AKR1C3: variants seen among roughly 807,000 people sequenced by gnomAD.
The protein encoded by AKR1C3 is 3-alpha hydroxysteroid dehydrogenase, type II.
In AKR1C3, 48 loss-of-function variants were observed where a neutral mutation model predicts 43.6. The ratio of observed to expected loss-of-function variants is 1.10; its 90% CI spans 0.87 to 1.40. The LOEUF (loss-of-function observed/expected upper bound fraction) is 1.40. AKR1C3 is among the 40% of genes most tolerant of loss of function. AKR1C3 has a pLI of 0.00. For missense variants in AKR1C3, 482 were observed against 391.2 expected (o/e 1.23, Z -1.96); for synonymous variants, 162 against 139.6 (o/e 1.16, Z -1.13).
At chr10:5,084,509 A>G (rs1471466017) in intron 1 of AKR1C3, among the ~76,000 whole-genome samples, 2 of 152,142 alleles carry the variant, frequency 1.3e-5, no homozygotes, top group East Asian at 1.9e-4. Context: ...GTCAGGTAGC[A>G]TGATGCCTCC....
intron 5 of AKR1C3, among the ~76,000 whole-genome samples, 186 bp from the exon 6 acceptor site, chr10:5,101,915 T>C (rs925840890): frequency 1.3e-5 from 2 of 152,198 alleles, no homozygotes; most frequent in South Asian, 2.1e-4. Context: ...AAATGGCATT[T>C]CCATTTATAC....
At chr10:5,082,787 T>C (rs1554782523) in intron 1 of AKR1C3, among the ~76,000 whole-genome samples, 1 of 152,180 alleles carries the variant, frequency 6.6e-6, no homozygotes, top group African/African-American at 2.4e-5. Flanking sequence ...CTGATTTTGG[T>C]ATCAGGATGA....
Position 5,074,603 on chromosome 10 carries a change from G to A in AKR1C3, c.85-21807G>A, listed in dbSNP as rs1245721009. On this transcript the variant is annotated intron_variant, in intron 1 of 8. Transcript: ENST00000439082. ...CTGTGAGGTTTCATTGACATAGTGT[G>A]CAAGAAGATTAAATTTTGGTACCCG... Among the ~76,000 whole-genome samples, 8 of 152,318 alleles carry A rather than the reference G, an allele frequency of 5.3e-5. No homozygotes were observed. In the South Asian group the frequency reaches 6.2e-4, roughly 12 times the overall value.
At chr10:5,097,678 T>C in intron 3 of AKR1C3, 128 bp downstream of exon 3, 1 of 1,555,410 alleles carries the variant, frequency 6.4e-7, no homozygotes, top group Non-Finnish European at 8.7e-7. Context: ...GAACCGTAAG[T>C]GGAACACCTA....
intron 1 of AKR1C3, among the ~76,000 whole-genome samples, chr10:5,056,988 G>C (rs1268416537): frequency 6.6e-6 from 1 of 152,144 alleles, no homozygotes; most frequent in Non-Finnish European, 1.5e-5. Context: ...TCAATTTCCT[G>C]GTCCTGAATA....
At chr10:5,057,162 A>G (rs1032589524) in intron 1 of AKR1C3, among the ~76,000 whole-genome samples, 6 of 152,168 alleles carry the variant, frequency 3.9e-5, no homozygotes, top group African/African-American at 1.2e-4. Context: ...CATAGTGGAC[A>G]TGGATGAGGG....
chr10:5,100,220 G>A (rs1398200137), intron 5 of AKR1C3, among the ~76,000 whole-genome samples: 2 of 152,208 alleles, frequency 1.3e-5, no homozygotes. Flanking sequence ...CTTGAACCCA[G>A]GAGGCAGAGA....
At chr10:5,092,333 A>G (rs1249139082), upstream of AKR1C3, among the ~76,000 whole-genome samples, 3 of 152,090 alleles carry the variant, frequency 2.0e-5, no homozygotes, top group East Asian at 1.9e-4. Context: ...TCTGTTGCCA[A>G]TTTGAGAACT....
At chr10:5,059,673 C>T (rs1838339254) in intron 1 of AKR1C3, among the ~76,000 whole-genome samples, 1 of 152,112 alleles carries the variant, frequency 6.6e-6, no homozygotes, top group Admixed American at 6.5e-5. Context: ...TATTTAGCCC[C>T]CAAATTCTAA....
intron 1 of AKR1C3, chr10:5,096,045 CAT>C (rs1168537217): frequency 6.8e-5 from 11 of 162,044 alleles, no homozygotes; most frequent in African/African-American, 2.6e-4. Flanking sequence ...GGAGAGAACT[CAT>C]ATGAGCTTGC....
intron 1 of AKR1C3, among the ~76,000 whole-genome samples, chr10:5,088,094 C>G (rs1839012898): frequency 6.6e-6 from 1 of 152,106 alleles, no homozygotes; most frequent in Admixed American, 6.6e-5. Context: ...TGTTCAGGGA[C>G]ACATTGTTTA....
intron 1 of AKR1C3, among the ~76,000 whole-genome samples, chr10:5,049,744 C>T (rs1554778769): frequency 6.6e-6 from 1 of 152,240 alleles, no homozygotes; most frequent in African/African-American, 2.4e-5. Context: ...TTCTGTGCAA[C>T]ATCACTGGGA....
chr10:5,077,219 C>A (rs1374450791), intron 1 of AKR1C3, among the ~76,000 whole-genome samples: 1 of 152,000 alleles, frequency 6.6e-6, no homozygotes, highest in Admixed American at 6.6e-5. Context: ...ATCACTTGAC[C>A]AAAGGGGCCC....
intron 8 of AKR1C3, 26 bp downstream of exon 8, chr10:5,105,703 T>C (rs1554787094): frequency 2.6e-6 from 4 of 1,566,036 alleles, no homozygotes; most frequent in African/African-American, 2.7e-5. Context: ...AAATGGGTGA[T>C]CTAATTTATT....
At chr10:5,098,090 G>A (rs1554785443) in intron 3 of AKR1C3, 1 of 988,698 alleles carries the variant, frequency 1.0e-6, no homozygotes, top group Non-Finnish European at 1.2e-6. Context: ...TTACTGTGTA[G>A]TGTATAACTT....
At chr10:5,063,035 T>G (rs1286261259) in intron 1 of AKR1C3, among the ~76,000 whole-genome samples, 1 of 152,100 alleles carries the variant, frequency 6.6e-6, no homozygotes, top group Non-Finnish European at 1.5e-5. Context: ...GGAGAGGAAA[T>G]AGATAGTAAC....
upstream of AKR1C3, among the ~76,000 whole-genome samples, chr10:5,089,931 C>T (rs944831769): frequency 6.6e-6 from 1 of 151,998 alleles, no homozygotes; most frequent in Admixed American, 6.6e-5. Flanking sequence ...ATACCTCTGC[C>T]CTTGAGGGTG....
rs532714220 is a variant in AKR1C3 at position 5,099,193 on chromosome 10, C to T, written c.448-134C>T. On this transcript the variant is annotated intron_variant, in intron 4 of 8. Coordinates refer to ENST00000380554, the MANE Select transcript of AKR1C3 (RefSeq NM_003739.6). ...TCCCCTATTTGCTGTTTGAATTTTT[C>T]TTTTTTTGACAATCACTGCTAGCTA... 2.8e-6 allele frequency: 4 copies of T among 1,454,318 alleles called. No individual in the cohort carries two copies. In the African/African-American group the frequency reaches 4.3e-5, roughly 16 times the overall value. 90.1% of individuals were successfully genotyped at this position (1,454,318 alleles called of 1,614,324 possible).
At chr10:5,094,337 C>A, upstream of AKR1C3, 4 of 1,287,606 alleles carry the variant, frequency 3.1e-6, no homozygotes, top group Non-Finnish European at 4.3e-6. Context: ...CATTGGTTAA[C>A]CATCAGTCAG....
Sources: gnomAD v4.1 joint callset for allele counts (sites outside exome capture counted in the v4.1 genomes callset) on GRCh38, gnomAD v4.1.1 for gene constraint, MANE v1.5 for transcripts, NCBI Gene and HGNC (gene_info 2026-07-23, HGNC 2026-07-21) for gene names.